Variants in OR1I1 observed in about 807,000 individuals in gnomAD.
OR1I1 encodes the protein olfactory receptor family 1 subfamily I member 1.
For synonymous variants in OR1I1, 171 were observed against 181.4 expected, an observed-to-expected ratio of 0.94 and a Z score of 0.46; for missense variants, 451 against 443.6, an observed-to-expected ratio of 1.02 and a Z score of -0.15.
rs2046260400 is a variant in OR1I1, at chr19:15,092,209, C to T, written c.*4076C>T. The T allele has an allele frequency of 7.3e-6, 1 of 137,558 alleles. No homozygotes were observed. The highest frequency in any genetic ancestry group is 8.4e-5 in the Admixed American group (1 of 11,936). The allele number at this position is 137,558 out of a possible 1,614,324, so 8.5% of individuals were successfully genotyped here. On this transcript the variant is annotated 3_prime_UTR_variant, in exon 2 of 2. Coordinates refer to ENST00000641398, the MANE Select transcript of OR1I1 (RefSeq NM_001004713.2). ...TAGGTGTAATCTCCCCCTGGAAGGG[C>T]ACAACAGGTGCAAAGTTTCCATGAT...
chr19:15,087,770 G>A lies in OR1I1; in HGVS notation c.705G>A (p.Trp235Ter). ...AGATCCCTTCTACTCGGGGCAAGTG[G>A]AAAGCCTTCTCCACCTGTGGCTTAC... ...VFKIPSTRGK[W>*]KAFSTCGLHL... The change falls in exon 2 of 2, where the codon TGG becomes TGA. Residue 235 changes from tryptophan to a stop codon, truncating the protein, a stop_gained. Transcript: ENST00000641398. LOFTEE classifies it low-confidence loss of function (END_TRUNC). 6.2e-7 allele frequency: 1 copy of A among 1,614,188 alleles called. No individual in the cohort carries two copies. Among genetic ancestry groups the A allele is most frequent in the Non-Finnish European group, 8.5e-7 (1 of 1,180,038 alleles).
rs2046239586 is a variant in OR1I1 at position 15,088,126 on chromosome 19, T to A, written c.1061T>A (p.Met354Lys). Residue 354 changes from methionine (M) to lysine (K), a missense_variant, in exon 2 of 2, where the codon ATG (methionine) becomes AAG (lysine). Met to Lys is a moderately conservative substitution (Grantham distance 95, BLOSUM62 -1). Coordinates refer to ENST00000641398, the MANE Select transcript of OR1I1 (RefSeq NM_001004713.2). ...CAGAGTCTAGCTGGGAACAGAGACA[T>A]GGAATAAATCCTTCCAGTACAACGT... Reference protein sequence around the residue: ...GVQSLAGNRDME With the variant: ...GVQSLAGNRDKE 6.4e-7 allele frequency: 1 copy of A among 1,551,750 alleles called. No homozygotes were observed. The highest frequency in any genetic ancestry group is 1.4e-5 in the African/African-American group (1 of 73,142).
At chr19:15,085,706 C>A (rs1045410447) in intron 1 of OR1I1, among the ~76,000 whole-genome samples, 2 of 152,034 alleles carry the variant, frequency 1.3e-5, no homozygotes, top group Admixed American at 1.3e-4. Flanking sequence ...CCGCCCCCAG[C>A]CCCTGGTAAC....
intron 1 of OR1I1, among the ~76,000 whole-genome samples, chr19:15,086,007 G>A (rs1236623497): frequency 2.0e-5 from 3 of 152,054 alleles, no homozygotes; most frequent in Admixed American, 6.6e-5. Flanking sequence ...GGAGGGTTGA[G>A]GGGGGAGGAA....
rs1169029600 is a variant in OR1I1, at chr19:15,090,053, A to T, written c.*1920A>T. The T allele has an allele frequency of 6.6e-6, 1 of 152,122 alleles. No homozygotes were observed. The highest frequency in any genetic ancestry group is 1.5e-5 in the Non-Finnish European group (1 of 68,058). 9.4% of individuals were successfully genotyped at this position (152,122 alleles called of 1,614,324 possible). A position where few individuals can be genotyped will look rare whatever the true frequency, so the allele number is the denominator to read the frequency against. The stretch of plus-strand genomic sequence containing the variant: ...CATGGAGACCGCCACATGAAGATGG[A>T]GGCAGAGATTGGGGTGATGCTCCTA... On this transcript the variant is annotated 3_prime_UTR_variant, in exon 2 of 2. Coordinates refer to ENST00000641398, the MANE Select transcript of OR1I1 (RefSeq NM_001004713.2).
intron 1 of OR1I1, among the ~76,000 whole-genome samples, chr19:15,082,836 G>T (rs1054149823): frequency 1.3e-5 from 2 of 151,980 alleles, no homozygotes; most frequent in Admixed American, 1.3e-4. Context: ...TTGAGACAGG[G>T]TCTCGCTCTG....
intron 1 of OR1I1, among the ~76,000 whole-genome samples, chr19:15,086,175 A>T (rs917766522): frequency 1.3e-5 from 2 of 151,994 alleles, no homozygotes; most frequent in Non-Finnish European, 2.9e-5. Flanking sequence ...TTAGCCAGTC[A>T]TGGTGGTGCG....
In OR1I1 at chr19:15,087,237, C is replaced by A. The variant is rs1432321141; in HGVS notation, c.172C>A (p.Pro58Thr). ...CATCACGGACTCTCACCTCCACACACCCATGTACTTCTTTCTCTTCAACCT... is the reference window on the plus strand; with the variant it reads ...CATCACGGACTCTCACCTCCACACAACCATGTACTTCTTTCTCTTCAACCT... The part of the protein sequence containing the change: ...AIITDSHLHT[P>T]MYFFLFNLSL... Residue 58 changes from proline to threonine, a missense_variant, in exon 2 of 2, where the codon CCC becomes ACC. Transcript: ENST00000641398. 6.2e-7 allele frequency: 1 copy of A among 1,614,162 alleles called. No individual in the cohort carries two copies. Among genetic ancestry groups the A allele is most frequent in the South Asian group, 1.1e-5 (1 of 91,078 alleles).
rs2046256664 is a variant in OR1I1 at position 15,091,627 on chromosome 19, C to G, written c.*3494C>G. ...TGAGCCAAGGCCACGCCACTGCACCCCAGCCTGGGTGACAGAGCGAGACTC... is the reference window on the plus strand; with the variant it reads ...TGAGCCAAGGCCACGCCACTGCACCGCAGCCTGGGTGACAGAGCGAGACTC... On this transcript the variant is annotated 3_prime_UTR_variant, in exon 2 of 2. Coordinates refer to ENST00000641398, the MANE Select transcript of OR1I1 (RefSeq NM_001004713.2). 1 of 151,602 alleles carries G rather than the reference C, an allele frequency of 6.6e-6. No individual in the cohort carries two copies. Among genetic ancestry groups the G allele is most frequent in the Non-Finnish European group, 1.5e-5 (1 of 68,006 alleles). The allele number at this position is 151,602 out of a possible 1,614,324, so 9.4% of individuals were successfully genotyped here.
At position 15,092,130 on chromosome 19, in the gene OR1I1, T is replaced by C. The variant is rs2046259989; in HGVS notation, c.*3997T>C. 8.9e-6 allele frequency: 1 copy of C among 112,886 alleles called. No individual in the cohort carries two copies. Among genetic ancestry groups the C allele is most frequent in the African/African-American group, 2.8e-5 (1 of 36,290 alleles). The allele number at this position is 112,886 out of a possible 1,614,324, so 7.0% of individuals were successfully genotyped here. On this transcript the variant is annotated 3_prime_UTR_variant, in exon 2 of 2. Coordinates refer to ENST00000641398, the MANE Select transcript of OR1I1 (RefSeq NM_001004713.2). The stretch of plus-strand genomic sequence containing the variant: ...TTTTTTGGTTTTTGGTTGTTTTTTT[T>C]TTTTCCCCGGAAACTTGTATTCTAG...
intron 1 of OR1I1, among the ~76,000 whole-genome samples, chr19:15,082,576 A>G (rs1159056692): frequency 6.6e-6 from 1 of 152,128 alleles, no homozygotes; most frequent in African/African-American, 2.4e-5. Context: ...AAAAGCACTG[A>G]GGGTCTGCAG....
intron 1 of OR1I1, among the ~76,000 whole-genome samples, chr19:15,084,987 A>T (rs76501165): frequency 0.086 from 12,957 of 151,286 alleles, 1,713 homozygotes; most frequent in African/African-American, 0.29. Context: ...CTGTCTCAAA[A>T]TAAATTAAAT....
Position 15,088,186 on chromosome 19 carries a change from T to G in OR1I1, c.*53T>G, listed in dbSNP as rs2046239930. The G allele has an allele frequency of 7.4e-6, 11 of 1,486,998 alleles. No individual in the cohort carries two copies. Among genetic ancestry groups the G allele is most frequent in the African/African-American group, 1.4e-5 (1 of 71,582 alleles). 92.1% of individuals were successfully genotyped at this position (1,486,998 alleles called of 1,614,324 possible). A position where few individuals can be genotyped will look rare whatever the true frequency, so the allele number is the denominator to read the frequency against. On this transcript the variant is annotated 3_prime_UTR_variant, in exon 2 of 2. Coordinates refer to ENST00000641398, the MANE Select transcript of OR1I1 (RefSeq NM_001004713.2). ...GTCATAAAGAGATGAACAAAGTGTA[T>G]GAGCACCCAAAGGAAAGGTGTGCAT...
intron 1 of OR1I1, among the ~76,000 whole-genome samples, chr19:15,085,174 A>ATGTTTT (rs1188702949): frequency 1.8e-5 from 1 of 56,892 alleles, no homozygotes. Flanking sequence ...ATATATATAT[A>ATGTTTT]TATTTTTTTT....
chr19:15,087,856 C>T lies in OR1I1; in HGVS notation c.791C>T (p.Ser264Phe), dbSNP rs991498317. 5 of 1,613,766 alleles carry T rather than the reference C, an allele frequency of 3.1e-6. No homozygotes were observed. Among genetic ancestry groups the T allele is most frequent in the South Asian group, 2.2e-5 (2 of 91,074 alleles). ...TTTGCTGTGTACTTACAGCCCACAT[C>T]CCCCAGCTCCTCCCAGAAGGACAAG... The part of the protein sequence containing the change: ...TIFAVYLQPT[S>F]PSSSQKDKAA... Residue 264 changes from serine (S) to phenylalanine (F), a missense_variant, in exon 2 of 2, where the codon TCC (serine) becomes TTC (phenylalanine). Physicochemically the swap from Ser to Phe is radical, Grantham distance 155 (BLOSUM62 -2). Transcript: ENST00000641398.
In OR1I1 at chr19:15,087,223, C is replaced by G. The variant is rs373448001; in HGVS notation, c.158C>G (p.Ser53Cys). Residue 53 changes from serine (S) to cysteine (C), a missense_variant, in exon 2 of 2, where the codon TCT (serine) becomes TGT (cysteine). Physicochemically the swap from Ser to Cys is moderately radical, Grantham distance 112. Transcript: ENST00000641398. ...ATTATCCTGGCCATCATCACGGACT[C>G]TCACCTCCACACACCCATGTACTTC... ...ALIILAIITD[S>C]HLHTPMYFFL... 6 of 1,614,140 alleles carry G rather than the reference C, an allele frequency of 3.7e-6. 1 individual carries two copies. The East Asian group carries it at 1.1e-4, about 30-fold the overall frequency.
chr19:15,088,082 C>G lies in OR1I1; in HGVS notation c.1017C>G (p.Ile339Met), dbSNP rs1434487531. 5.7e-6 allele frequency: 9 copies of G among 1,572,196 alleles called. No individual in the cohort carries two copies. The Admixed American group carries it at 1.3e-4, about 23-fold the overall frequency. The part of the protein sequence containing the change: ...LAARDTEMHP[I>M]PYPGGVQSLA... ...CTAGGGACACAGAGATGCATCCCATCCCCTACCCTGGAGGAGTTCAGAGTC... is the reference window on the plus strand; with the variant it reads ...CTAGGGACACAGAGATGCATCCCATGCCCTACCCTGGAGGAGTTCAGAGTC... Residue 339 changes from isoleucine to methionine, a missense_variant, in exon 2 of 2, where the codon ATC becomes ATG. Ile to Met is a conservative substitution (Grantham distance 10, BLOSUM62 1). Transcript: ENST00000641398.
Position 15,089,687 on chromosome 19 carries a change from A to T in OR1I1, c.*1554A>T, listed in dbSNP as rs73008829. ...AAAAATAAAAATGAAAAAAGAAAAA[A>T]TTACCTGGGTGTGGTGGTGTGCACC... On this transcript the variant is annotated 3_prime_UTR_variant, in exon 2 of 2. Coordinates refer to ENST00000641398, the MANE Select transcript of OR1I1 (RefSeq NM_001004713.2). 22,138 of 151,798 alleles carry T rather than the reference A, an allele frequency of 0.15. 1,971 individuals are homozygous for T. Among genetic ancestry groups the T allele is most frequent in the South Asian group, 0.29 (1,391 of 4,786 alleles). 9.4% of individuals were successfully genotyped at this position (151,798 alleles called of 1,614,324 possible).
chr19:15,085,687 A>C (rs1396424533), intron 1 of OR1I1, among the ~76,000 whole-genome samples: 2 of 150,668 alleles, frequency 1.3e-5, no homozygotes, highest in Non-Finnish European at 3.0e-5. Flanking sequence ...TCTCCCTAAC[A>C]CCCACCTCCC....
Sources: allele counts gnomAD v4.1 joint callset (sites outside exome capture counted in the v4.1 genomes callset), GRCh38; gene constraint gnomAD v4.1.1; transcripts MANE v1.5; gene names NCBI Gene and HGNC (gene_info 2026-07-23, HGNC 2026-07-21).